HDGFL3: variants seen among roughly 807,000 people sequenced by gnomAD.
HDGFL3 encodes hepatoma-derived growth factor-related protein 3.
Under a neutral mutation model 27.6 loss-of-function variants are expected in HDGFL3, and 6 were observed. That is an observed-to-expected ratio of 0.22 (90% CI 0.12 to 0.43). The LOEUF (loss-of-function observed/expected upper bound fraction) is 0.43, where lower values mean the gene tolerates loss of function less well. Among genes scored for constraint, HDGFL3 ranks in the 20% least tolerant of loss-of-function variants. The pLI, the probability that HDGFL3 is intolerant of heterozygous loss-of-function variation, is 1.00. For missense variants in HDGFL3, 207 were observed against 250.1 expected (o/e 0.83, Z 1.16); for synonymous variants, 88 against 88.9 (o/e 0.99, Z 0.05).
intron 5 of HDGFL3, among the ~76,000 whole-genome samples, chr15:83,146,632 C>T (rs546928433): frequency 7.2e-5 from 11 of 152,260 alleles, no homozygotes; most frequent in South Asian, 2.1e-4. Flanking sequence ...CTACTCTCTG[C>T]GAAAACCTTA....
chr15:83,177,766 A>G (rs1207704012), intron 1 of HDGFL3, among the ~76,000 whole-genome samples: 3 of 152,216 alleles, frequency 2.0e-5, no homozygotes, highest in African/African-American at 7.2e-5. Flanking sequence ...TATAGAAAGG[A>G]TGTATAATAT....
intron 3 of HDGFL3, chr15:83,119,603 A>G: frequency 6.2e-7 from 1 of 1,614,158 alleles, no homozygotes; most frequent in Non-Finnish European, 8.5e-7. Flanking sequence ...AACACCGCAT[A>G]TGGGCACATG....
At chr15:83,167,353 C>A (rs921131780) in intron 1 of HDGFL3, among the ~76,000 whole-genome samples, 4 of 152,100 alleles carry the variant, frequency 2.6e-5, no homozygotes, top group Non-Finnish European at 5.9e-5. Context: ...GTCAGGAGAT[C>A]GAAGCCAGCC....
chr15:83,132,908 CA>C lies in HDGFL3; in HGVS notation c.*6361del, dbSNP rs2036352668. 1 of 152,170 alleles carries C rather than the reference CA, an allele frequency of 6.6e-6. No individual in the cohort carries two copies. The highest frequency in any genetic ancestry group is 6.5e-5 in the Admixed American group (1 of 15,286). The allele number at this position is 152,170 out of a possible 1,614,324, so 9.4% of individuals were successfully genotyped here. On this transcript the variant is annotated 3_prime_UTR_variant, in exon 6 of 6. Transcript: ENST00000299633. ...ACTTATCCTTTCATGGAGACACTCA[CA>C]GTAAAAAGGTCAAAAGGTCAAGAGA... is the stretch of plus-strand genomic sequence containing the variant.
In HDGFL3 at chr15:83,135,449, C is replaced by T. The variant is rs966480023; in HGVS notation, c.*3821G>A. 21 of 152,152 alleles carry T rather than the reference C, an allele frequency of 1.4e-4. No homozygotes were observed. The highest frequency in any genetic ancestry group is 3.9e-4 in the African/African-American group (16 of 41,428). 9.4% of individuals were successfully genotyped at this position (152,152 alleles called of 1,614,324 possible). On this transcript the variant is annotated 3_prime_UTR_variant, in exon 6 of 6. Coordinates refer to ENST00000299633, the MANE Select transcript of HDGFL3 (RefSeq NM_016073.4). The stretch of plus-strand genomic sequence containing the variant: ...ATCCTGATGAACTGATAATTTACTA[C>T]TTATTACATTTAGATTCCCAATCCT...
At chr15:83,122,816 C>T, downstream of HDGFL3, 1 of 1,614,000 alleles carries the variant, frequency 6.2e-7, no homozygotes, top group East Asian at 2.2e-5. Flanking sequence ...TACTTGTCTT[C>T]CTGTCTGGGC....
chr15:83,154,779 A>G lies in HDGFL3; in HGVS notation c.459+2636T>C, dbSNP rs560223028. ...TGTCAAACAATGTAAGCTTGTCTTT[A>G]TAAGTCTTCCATGTAATTCTAAAAC... On this transcript the variant is annotated intron_variant, in intron 4 of 5. Transcript: ENST00000299633. 1.8e-4 allele frequency among the ~76,000 whole-genome samples: 28 copies of G among 152,338 alleles called. No homozygotes were observed. The South Asian group carries it at 3.7e-3, about 20-fold the overall frequency.
intron 5 of HDGFL3, among the ~76,000 whole-genome samples, chr15:83,143,545 GC>G (rs1391679069): frequency 6.6e-6 from 1 of 152,170 alleles, no homozygotes; most frequent in Non-Finnish European, 1.5e-5. Context: ...TCGTGCCACT[GC>G]ACTCCAGCCT....
chr15:83,175,172 C>G (rs182739359), intron 1 of HDGFL3, among the ~76,000 whole-genome samples: 31 of 152,288 alleles, frequency 2.0e-4, no homozygotes, highest in Admixed American at 1.9e-3. Flanking sequence ...CTGTAAATGT[C>G]TTCTTTCCTT....
downstream of HDGFL3, among the ~76,000 whole-genome samples, chr15:83,125,145 C>T (rs1038589053): frequency 3.9e-5 from 6 of 152,266 alleles, no homozygotes; most frequent in South Asian, 6.2e-4. Context: ...CACAGAGCAT[C>T]CCTGTGTTCT....
At chr15:83,115,312 T>TTCA (rs1486291399) in exon 4 of HDGFL3, 1 of 229,654 alleles carries the variant, frequency 4.4e-6, no homozygotes, top group African/African-American at 2.3e-5. Flanking sequence ...GAGACGGGGT[T>TTCA]TCAATATGTT....
Position 83,170,576 on chromosome 15 carries a change from G to A in HDGFL3, c.85-6501C>T, listed in dbSNP as rs147468380. 1.5e-3 allele frequency among the ~76,000 whole-genome samples: 234 copies of A among 152,228 alleles called. 2 individuals are homozygous for A. In the Middle Eastern group the frequency reaches 0.017, roughly 11 times the overall value. On this transcript the variant is annotated intron_variant, in intron 1 of 5. Transcript: ENST00000299633. Reference sequence around the variant, plus strand: ...CACATAAGAAAACCTAACTCAAGACGAATTAAAGTTCTAAATGTAAGACCT... The same window carrying A: ...CACATAAGAAAACCTAACTCAAGACAAATTAAAGTTCTAAATGTAAGACCT...
intron 1 of HDGFL3, among the ~76,000 whole-genome samples, chr15:83,178,217 A>G (rs1009937237): frequency 6.6e-6 from 1 of 152,220 alleles, no homozygotes; most frequent in African/African-American, 2.4e-5. Context: ...AAAAAGGGAA[A>G]GTTTCTGAAT....
intron 3 of HDGFL3, among the ~76,000 whole-genome samples, chr15:83,118,268 C>G (rs1355162575): frequency 2.7e-5 from 4 of 150,786 alleles, no homozygotes; most frequent in Admixed American, 6.6e-5. Flanking sequence ...CACACACATA[C>G]AGAGAGAGCA....
In HDGFL3 at chr15:83,119,450, G is replaced by A. The variant is rs77825136; in HGVS notation, c.394-3709C>T. 4.9e-3 allele frequency: 4,831 copies of A among 993,676 alleles called. 155 individuals are homozygous for A. In the African/African-American group the frequency reaches 0.07, roughly 14 times the overall value. The allele number at this position is 993,676 out of a possible 1,614,324, so 61.6% of individuals were successfully genotyped here. ...TTTTCATGTTCCTACCAATTTTGAA[G>A]AAATAGTTTCATCTTAGCAGATGAA... is the stretch of plus-strand genomic sequence containing the variant. On this transcript the variant is annotated intron_variant, in intron 3 of 3. Coordinates refer to the HDGFL3 transcript ENST00000568294.
intron 1 of HDGFL3, among the ~76,000 whole-genome samples, chr15:83,187,775 C>T (rs1024296519): frequency 6.6e-6 from 1 of 151,898 alleles, no homozygotes; most frequent in African/African-American, 2.4e-5. Context: ...GTAATCCCAG[C>T]TACTCGGGAG....
intron 5 of HDGFL3, among the ~76,000 whole-genome samples, chr15:83,142,963 A>T (rs2036808704): frequency 6.6e-6 from 1 of 152,170 alleles, no homozygotes; most frequent in Non-Finnish European, 1.5e-5. Context: ...TTTATTTCTA[A>T]TTAAATAAAT....
chr15:83,113,336 T>C, exon 4 of HDGFL3: 1 of 184,636 alleles, frequency 5.4e-6, no homozygotes, highest in Non-Finnish European at 1.2e-5. Context: ...CAAGCACCTA[T>C]AGTGCACCTT....
intron 3 of HDGFL3, among the ~76,000 whole-genome samples, chr15:83,120,570 G>T (rs1356236957): frequency 2.0e-5 from 3 of 150,980 alleles, no homozygotes; most frequent in Admixed American, 2.0e-4. Context: ...TGCACTCAAG[G>T]TCAGCTCCAG....
Sources: allele counts gnomAD v4.1 joint callset (sites outside exome capture counted in the v4.1 genomes callset), GRCh38; gene constraint gnomAD v4.1.1; transcripts MANE v1.5; gene names NCBI Gene and HGNC (gene_info 2026-07-23, HGNC 2026-07-21).